The following SORCS2 variants were observed in gnomAD, a reference collection of about 807,000 sequenced individuals.
The protein encoded by SORCS2 is sortilin related VPS10 domain containing receptor 2.
Under a neutral mutation model 141.6 loss-of-function variants are expected in SORCS2, and 100 were observed. That is an observed-to-expected ratio of 0.71 (90% CI 0.60 to 0.83). SORCS2 has a LOEUF of 0.83. SORCS2 is among the 40% of genes least tolerant of loss of function. The probability of loss-of-function intolerance (pLI) is 0.00; values close to 1 mark genes in which losing one functional copy is unlikely to be tolerated. For synonymous variants in SORCS2, 789 were observed against 676.9 expected (o/e 1.17, Z -2.57); for missense variants, 1,646 against 1,560.2 (o/e 1.05, Z -0.93).
intron 1 of SORCS2, among the ~76,000 whole-genome samples, chr4:7,353,230 C>T (rs1721055480): frequency 1.3e-5 from 2 of 152,162 alleles, no homozygotes; most frequent in African/African-American, 4.8e-5. Flanking sequence ...CCAGTAAGCA[C>T]TGGCTAAGGC....
At chr4:7,249,387 C>T (rs1156442558) in intron 1 of SORCS2, among the ~76,000 whole-genome samples, 2 of 152,172 alleles carry the variant, frequency 1.3e-5, no homozygotes, top group Non-Finnish European at 2.9e-5. Context: ...AAAGTGGAAG[C>T]CACCTATGTC....
chr4:7,537,211 G>T (rs557754039), intron 3 of SORCS2, among the ~76,000 whole-genome samples: 1 of 152,322 alleles, frequency 6.6e-6, no homozygotes, highest in South Asian at 2.1e-4. Context: ...TTTCCTCTCT[G>T]GGCCTCAGTT....
chr4:7,582,075 T>G (rs1560403222), intron 3 of SORCS2, among the ~76,000 whole-genome samples: 1 of 152,230 alleles, frequency 6.6e-6, no homozygotes, highest in Non-Finnish European at 1.5e-5. Context: ...TTTGGCCATT[T>G]TTGTGGTCAC....
At chr4:7,453,042 T>TGCTGTGTGTTGGGGTCAGGA (rs1228995607) in intron 2 of SORCS2, among the ~76,000 whole-genome samples, 7 of 101,130 alleles carry the variant, frequency 6.9e-5, no homozygotes, top group African/African-American at 2.3e-4. Context: ...TGGGGTCAGG[T>TGCTGTGTGTTGGGGTCAGGA]GCTGTGTGTT....
chr4:7,441,227 G>T (rs1404484943), intron 2 of SORCS2, among the ~76,000 whole-genome samples: 1 of 152,198 alleles, frequency 6.6e-6, no homozygotes, highest in African/African-American at 2.4e-5. Flanking sequence ...TTCTGGGAAG[G>T]TGGAGGTGGC....
chr4:7,295,842 C>T (rs1717012914), intron 1 of SORCS2, among the ~76,000 whole-genome samples: 2 of 152,234 alleles, frequency 1.3e-5, no homozygotes, highest in African/African-American at 2.4e-5. Flanking sequence ...TGGGATTGGC[C>T]AGGCTGATGG....
chr4:7,481,598 G>A (rs1356136026), intron 2 of SORCS2, among the ~76,000 whole-genome samples: 1 of 152,146 alleles, frequency 6.6e-6, no homozygotes, highest in African/African-American at 2.4e-5. Flanking sequence ...CCAGAGAGGA[G>A]TCTGCTGAGG....
intron 1 of SORCS2, among the ~76,000 whole-genome samples, chr4:7,368,554 C>T (rs910933399): frequency 5.9e-5 from 9 of 152,218 alleles, no homozygotes; most frequent in South Asian, 2.1e-4. Flanking sequence ...GGCCCAGCCA[C>T]GCCTCTCTTT....
intron 1 of SORCS2, among the ~76,000 whole-genome samples, chr4:7,365,810 A>T (rs142612311): frequency 4.6e-5 from 7 of 152,300 alleles, no homozygotes; most frequent in African/African-American, 1.7e-4. Context: ...CCTCCTTGAG[A>T]GAGCGAGCCA....
intron 1 of SORCS2, among the ~76,000 whole-genome samples, chr4:7,204,084 T>C (rs535289254): frequency 6.6e-6 from 1 of 152,364 alleles, no homozygotes; most frequent in African/African-American, 2.4e-5. Context: ...TTTGGGTTGT[T>C]TCCACCTTTT....
intron 4 of SORCS2, among the ~76,000 whole-genome samples, chr4:7,643,493 C>G (rs889221980): frequency 9.9e-5 from 15 of 152,214 alleles, no homozygotes; most frequent in African/African-American, 3.6e-4. Flanking sequence ...AGAAATTGAT[C>G]TGAGCCCAGG....
intron 1 of SORCS2, among the ~76,000 whole-genome samples, chr4:7,384,631 G>A (rs1015680986): frequency 4.6e-5 from 7 of 152,210 alleles, no homozygotes; most frequent in African/African-American, 1.7e-4. Flanking sequence ...CCAGCTGAAC[G>A]TCCGGCTCCA....
At chr4:7,650,045 C>G (rs1458047597) in intron 4 of SORCS2, among the ~76,000 whole-genome samples, 2 of 152,160 alleles carry the variant, frequency 1.3e-5, no homozygotes, top group South Asian at 4.2e-4. Context: ...TCGGCTTGAG[C>G]CTTCCTTCCT....
At chr4:7,368,984 C>T (rs879911474) in intron 1 of SORCS2, among the ~76,000 whole-genome samples, 1 of 152,082 alleles carries the variant, frequency 6.6e-6, no homozygotes, top group Non-Finnish European at 1.5e-5. Flanking sequence ...GTGAGGCCTC[C>T]CCAGCCATGT....
chr4:7,475,313 A>G (rs1232093008), intron 2 of SORCS2, among the ~76,000 whole-genome samples: 4 of 152,102 alleles, frequency 2.6e-5, no homozygotes, highest in Non-Finnish European at 5.9e-5. Context: ...TCATGGTGGG[A>G]AGACAAGGGC....
chr4:7,479,927 C>T (rs1193387219), intron 2 of SORCS2, among the ~76,000 whole-genome samples: 2 of 152,234 alleles, frequency 1.3e-5, no homozygotes, highest in Admixed American at 1.3e-4. Flanking sequence ...GCCCTGTCCT[C>T]CGGGCTCAGT....
chr4:7,385,252 C>T (rs1401652924), intron 1 of SORCS2, among the ~76,000 whole-genome samples: 3 of 152,138 alleles, frequency 2.0e-5, no homozygotes, highest in Non-Finnish European at 4.4e-5. Context: ...CCTCAGGGGT[C>T]TTTAGTAGAA....
rs545248340 is a variant in SORCS2, at chr4:7,615,820, G to C, written c.649-22508G>C. Among the ~76,000 whole-genome samples, 31 of 152,270 alleles carry C rather than the reference G, an allele frequency of 2.0e-4. No individual in the cohort carries two copies. In the East Asian group the frequency reaches 4.4e-3, roughly 22 times the overall value. On this transcript the variant is annotated intron_variant, in intron 3 of 26. Coordinates refer to ENST00000507866, the MANE Select transcript of SORCS2 (RefSeq NM_020777.3). ...GCTGGCCTCACAGCTGACCAGGGGT[G>C]ACCAACAGCCTCCAAACCCACTTCA...
rs74783164 is a variant in SORCS2, at chr4:7,208,933, G to A, written c.480+15807G>A. On this transcript the variant is annotated intron_variant, in intron 1 of 26. Transcript: ENST00000507866. ...GCTGGGGGGTGGGCAGCGTGTGGAG[G>A]GCCCCACCTTTCCAGCAGACAGCCT... is the stretch of plus-strand genomic sequence containing the variant. Among the ~76,000 whole-genome samples, 154 of 152,290 alleles carry A rather than the reference G, an allele frequency of 1.0e-3. 2 individuals carry two copies. Among genetic ancestry groups the A allele is most frequent in the African/African-American group, 3.6e-3 (149 of 41,570 alleles).
Sources: allele counts gnomAD v4.1 joint callset (sites outside exome capture counted in the v4.1 genomes callset), GRCh38; gene constraint gnomAD v4.1.1; transcripts MANE v1.5; gene names NCBI Gene and HGNC (gene_info 2026-07-23, HGNC 2026-07-21).